ZNRF2: variants seen among roughly 807,000 people sequenced by gnomAD.
ZNRF2 encodes the protein E3 ubiquitin-protein ligase ZNRF2.
In ZNRF2, 16 loss-of-function variants were observed where a neutral mutation model predicts 20.4. The observed-to-expected ratio is 0.79, with a 90% CI of 0.53 to 1.19. The LOEUF is 1.19. Among genes scored for constraint, ZNRF2 ranks in the 50% most tolerant of loss-of-function variants. ZNRF2 has a pLI of 0.00. For missense variants in ZNRF2, 363 were observed against 332.4 expected (o/e 1.09, Z -0.72); for synonymous variants, 178 against 144.9 (o/e 1.23, Z -1.64).
intron 1 of ZNRF2, among the ~76,000 whole-genome samples, chr7:30,309,131 G>GTT (rs1799253079): frequency 6.6e-6 from 1 of 152,050 alleles, no homozygotes; most frequent in Non-Finnish European, 1.5e-5. Flanking sequence ...ACTTTAAAAA[G>GTT]TTAGAATAGG....
intron 2 of ZNRF2, among the ~76,000 whole-genome samples, chr7:30,335,801 A>G (rs1310141099): frequency 6.6e-6 from 1 of 152,214 alleles, no homozygotes; most frequent in Non-Finnish European, 1.5e-5. Flanking sequence ...TTAGTATGCA[A>G]AAGTATTTGT....
chr7:30,289,362 A>G (rs1426727306), intron 1 of ZNRF2, among the ~76,000 whole-genome samples: 1 of 152,228 alleles, frequency 6.6e-6, no homozygotes, highest in Non-Finnish European at 1.5e-5. Flanking sequence ...GTGTTAGGTT[A>G]TCTTCATCAA....
intron 2 of ZNRF2, among the ~76,000 whole-genome samples, chr7:30,345,587 G>T (rs1227494462): frequency 6.6e-6 from 1 of 151,176 alleles, no homozygotes; most frequent in African/African-American, 2.4e-5. Context: ...GCCTTTTCTG[G>T]ATCAAGTTGC....
At chr7:30,310,583 A>T (rs1022567638) in intron 1 of ZNRF2, among the ~76,000 whole-genome samples, 1 of 152,216 alleles carries the variant, frequency 6.6e-6, no homozygotes, top group East Asian at 1.9e-4. Context: ...TAATTTTCAC[A>T]TGCCATAGCA....
At chr7:30,355,696 T>A (rs1800026131) in intron 2 of ZNRF2, 32 bp from the exon 3 acceptor site, 4 of 1,546,706 alleles carry the variant, frequency 2.6e-6, no homozygotes, top group Non-Finnish European at 3.6e-6. Context: ...TGGATAATTT[T>A]ATTGTCCTGA....
intron 1 of ZNRF2, among the ~76,000 whole-genome samples, chr7:30,315,395 G>A (rs770221534): frequency 1.3e-5 from 2 of 152,120 alleles, no homozygotes; most frequent in African/African-American, 2.4e-5. Flanking sequence ...GAGAGATCTG[G>A]TAGAGAGATG....
intron 1 of ZNRF2, 25 bp downstream of exon 1, chr7:30,285,851 G>T: frequency 1.4e-6 from 2 of 1,459,120 alleles, no homozygotes; most frequent in East Asian, 2.8e-5. Flanking sequence ...CCGCGCACCC[G>T]CGCTCGGTCC....
chr7:30,350,114 A>T (rs1799940277), intron 2 of ZNRF2, among the ~76,000 whole-genome samples: 1 of 152,040 alleles, frequency 6.6e-6, no homozygotes, highest in Non-Finnish European at 1.5e-5. Flanking sequence ...AAGGTAAGTT[A>T]GGAGCAAAAA....
At chr7:30,349,240 G>T (rs1799927207) in intron 2 of ZNRF2, among the ~76,000 whole-genome samples, 1 of 152,102 alleles carries the variant, frequency 6.6e-6, no homozygotes, top group Non-Finnish European at 1.5e-5. Context: ...TGAAAATGAG[G>T]CTCAAAGAGG....
chr7:30,331,375 G>T (rs1354588208), intron 2 of ZNRF2, among the ~76,000 whole-genome samples: 1 of 152,160 alleles, frequency 6.6e-6, no homozygotes, highest in Non-Finnish European at 1.5e-5. Flanking sequence ...AGAACAGAAA[G>T]TTTTGAAAAA....
At chr7:30,327,962 C>T (rs1264425339) in intron 2 of ZNRF2, among the ~76,000 whole-genome samples, 1 of 151,956 alleles carries the variant, frequency 6.6e-6, no homozygotes, top group African/African-American at 2.4e-5. Context: ...TAATAAAAAC[C>T]GTGTATAGTT....
chr7:30,301,748 A>G (rs913514426), intron 1 of ZNRF2, among the ~76,000 whole-genome samples: 2 of 151,684 alleles, frequency 1.3e-5, no homozygotes, highest in East Asian at 3.9e-4. Flanking sequence ...AGATTTGAAT[A>G]TACTAGAGCG....
At chr7:30,354,823 C>T (rs1800012119) in intron 2 of ZNRF2, among the ~76,000 whole-genome samples, 2 of 152,070 alleles carry the variant, frequency 1.3e-5, no homozygotes, top group East Asian at 1.9e-4. Context: ...CCATGTTCTT[C>T]AGTAATGGCA....
chr7:30,316,584 TG>T (rs1325176481), intron 1 of ZNRF2, among the ~76,000 whole-genome samples: 1 of 152,218 alleles, frequency 6.6e-6, no homozygotes, highest in Non-Finnish European at 1.5e-5. Flanking sequence ...TCTGCTATAT[TG>T]TGTTATTGGA....
At position 30,314,788 on chromosome 7, in the gene ZNRF2, A is replaced by AATATATAT. The variant is rs139581545; in HGVS notation, c.470-8845_470-8838dup. Among the ~76,000 whole-genome samples the AATATATAT allele has an allele frequency of 6.5e-4, 97 of 148,160 alleles. 1 individual carries two copies. Among genetic ancestry groups the AATATATAT allele is most frequent in the South Asian group, 4.5e-3 (21 of 4,708 alleles). ...TCTGCATAGTTTTCCAAATATGGGAAATATATATATATATATGTATATATG... is the reference window on the plus strand; with the variant it reads ...TCTGCATAGTTTTCCAAATATGGGAAATATATATATATATATATATATATGTATATATG... On this transcript the variant is annotated intron_variant, in intron 1 of 4. Transcript: ENST00000323037.
At chr7:30,316,101 C>A (rs1218355619) in intron 1 of ZNRF2, among the ~76,000 whole-genome samples, 1 of 151,564 alleles carries the variant, frequency 6.6e-6, no homozygotes, top group African/African-American at 2.4e-5. Context: ...CCAGCCTGAC[C>A]AACATGGAGA....
At chr7:30,360,041 C>T (rs1800102128) in intron 3 of ZNRF2, among the ~76,000 whole-genome samples, 1 of 152,100 alleles carries the variant, frequency 6.6e-6, no homozygotes, top group Non-Finnish European at 1.5e-5. Flanking sequence ...GGTAGATAAC[C>T]CTGTAATAGC....
intron 2 of ZNRF2, among the ~76,000 whole-genome samples, chr7:30,335,291 T>G (rs756194872): frequency 1.3e-5 from 2 of 152,112 alleles, no homozygotes; most frequent in Non-Finnish European, 2.9e-5. Context: ...CAAGAACCCT[T>G]TCTTGAGTTT....
At chr7:30,329,140 T>G (rs1336848049) in intron 2 of ZNRF2, among the ~76,000 whole-genome samples, 4 of 152,126 alleles carry the variant, frequency 2.6e-5, no homozygotes, top group Non-Finnish European at 5.9e-5. Flanking sequence ...AAATTCTTAG[T>G]TTTTTTAAAA....
Sources: allele counts gnomAD v4.1 joint callset (sites outside exome capture counted in the v4.1 genomes callset), GRCh38; gene constraint gnomAD v4.1.1; transcripts MANE v1.5; gene names NCBI Gene and HGNC (gene_info 2026-07-23, HGNC 2026-07-21).